Variants in PLCG2 observed in about 807,000 individuals in gnomAD.
PLCG2 encodes the protein 1-phosphatidylinositol 4,5-bisphosphate phosphodiesterase gamma-2.
PLCG2 carries 69 observed loss-of-function variants against 175.6 expected under a neutral mutation model. The observed-to-expected ratio is 0.39, with a 90% CI of 0.32 to 0.48. The LOEUF is 0.48. Ranked by LOEUF, PLCG2 falls within the 20% of genes least tolerant of loss-of-function variation. The probability of loss-of-function intolerance (pLI) is 0.91; values close to 1 mark genes in which losing one functional copy is unlikely to be tolerated. For synonymous variants in PLCG2, 827 were observed against 624.0 expected (o/e 1.33, Z -4.85); for missense variants, 1,798 against 1,650.9 (o/e 1.09, Z -1.54).
At chr16:81,752,280 C>T (rs944878507) in intron 1 of PLCG2, among the ~76,000 whole-genome samples, 5 of 152,226 alleles carry the variant, frequency 3.3e-5, no homozygotes, top group East Asian at 1.9e-4. Context: ...AAAGCAGGTT[C>T]CAGCTTCCCC....
intron 5 of PLCG2, among the ~76,000 whole-genome samples, chr16:81,861,052 A>G (rs1044245579): frequency 4.7e-5 from 7 of 150,278 alleles, no homozygotes; most frequent in African/African-American, 1.7e-4. Context: ...CAAAAAAACC[A>G]AAACCAAAAC....
intron 2 of PLCG2, among the ~76,000 whole-genome samples, chr16:81,835,416 C>A (rs1310346477): frequency 6.6e-6 from 1 of 151,668 alleles, no homozygotes; most frequent in Non-Finnish European, 1.5e-5. Context: ...GCCAACATGG[C>A]GAAACCCCAT....
intron 19 of PLCG2, among the ~76,000 whole-genome samples, chr16:81,918,389 A>G (rs1439437160): frequency 1.3e-5 from 2 of 152,118 alleles, no homozygotes; most frequent in Non-Finnish European, 2.9e-5. Flanking sequence ...ATGGTGTGAG[A>G]TAATGGTCTA....
In PLCG2 at chr16:81,895,882, A is replaced by G; in HGVS notation, c.1148A>G (p.Asp383Gly). The G allele has an allele frequency of 6.2e-7, 1 of 1,614,098 alleles. No individual in the cohort carries two copies. The highest frequency in any genetic ancestry group is 1.1e-5 in the South Asian group (1 of 91,072). ...GWTRTTKIKFDDVVQAIKDHA... is the reference protein window; with the variant it reads ...GWTRTTKIKFGDVVQAIKDHA... ...ACGCGGACTACCAAGATCAAGTTTGACGACGTCGTGCAGGCCATCAAAGAC... is the reference window on the plus strand; with the variant it reads ...ACGCGGACTACCAAGATCAAGTTTGGCGACGTCGTGCAGGCCATCAAAGAC... Residue 383 changes from aspartate to glycine, a missense_variant, in exon 13 of 33, where the codon GAC becomes GGC. Asp to Gly is a moderately conservative substitution (Grantham distance 94). Transcript: ENST00000564138.
intron 22 of PLCG2, among the ~76,000 whole-genome samples, chr16:81,923,937 C>T (rs145585090): frequency 1.3e-3 from 202 of 152,298 alleles, no homozygotes; most frequent in African/African-American, 4.5e-3. Context: ...ATCTTCATTA[C>T]TCCCTGTGAC....
chr16:81,822,682 G>A lies in PLCG2; in HGVS notation c.194-31762G>A, dbSNP rs527807389. Among the ~76,000 whole-genome samples the A allele has an allele frequency of 1.7e-3, 254 of 147,240 alleles. 1 individual carries two copies. The highest frequency in any genetic ancestry group is 6.0e-3 in the African/African-American group (239 of 39,682). ...TGAGGCAGGAGAATCGCTTGAACCCGGGAGGTGAAGGTTGTAGTGAGTGAA... is the reference window on the plus strand; with the variant it reads ...TGAGGCAGGAGAATCGCTTGAACCCAGGAGGTGAAGGTTGTAGTGAGTGAA... On this transcript the variant is annotated intron_variant, in intron 2 of 32. Coordinates refer to ENST00000564138, the MANE Select transcript of PLCG2 (RefSeq NM_002661.5).
intron 12 of PLCG2, 157 bp from the exon 13 acceptor site, chr16:81,895,650 G>A (rs1908849548): frequency 1.4e-6 from 1 of 718,988 alleles, no homozygotes; most frequent in African/African-American, 1.7e-5. Flanking sequence ...AGGGAACCCT[G>A]CGGATACAGG....
At chr16:81,901,779 G>T (rs1909162011) in intron 14 of PLCG2, among the ~76,000 whole-genome samples, 1 of 152,156 alleles carries the variant, frequency 6.6e-6, no homozygotes, top group Non-Finnish European at 1.5e-5. Flanking sequence ...AATTATGGAG[G>T]TTATTAGGTC....
chr16:81,846,119 C>T lies in PLCG2; in HGVS notation c.194-8325C>T, dbSNP rs1480801713. Among the ~76,000 whole-genome samples, 8 of 152,304 alleles carry T rather than the reference C, an allele frequency of 5.3e-5. No individual in the cohort carries two copies. The South Asian group carries it at 6.2e-4, about 12-fold the overall frequency. On this transcript the variant is annotated intron_variant, in intron 2 of 32. Transcript: ENST00000564138. ...CCCAGCTGCTAGGAGTGTTGGGTGTCGTGGCTCACAGGTGCCCCTTCTTCA... is the reference window on the plus strand; with the variant it reads ...CCCAGCTGCTAGGAGTGTTGGGTGTTGTGGCTCACAGGTGCCCCTTCTTCA...
In PLCG2 at chr16:81,908,129, G is replaced by T. The variant is rs532329988; in HGVS notation, c.1558-287G>T. The stretch of plus-strand genomic sequence containing the variant: ...TTTCTGCAGCCCCCAGGGCCTCATG[G>T]CTCTCAGACTTCCCATAGAACAGAA... On this transcript the variant is annotated intron_variant, in intron 16 of 32. Transcript: ENST00000564138. Among the ~76,000 whole-genome samples the T allele has an allele frequency of 4.6e-5, 7 of 152,304 alleles. No individual in the cohort carries two copies. In the South Asian group the frequency reaches 1.0e-3, roughly 23 times the overall value.
intron 2 of PLCG2, among the ~76,000 whole-genome samples, chr16:81,764,192 G>A (rs753627692): frequency 6.6e-6 from 1 of 152,056 alleles, no homozygotes; most frequent in Non-Finnish European, 1.5e-5. Flanking sequence ...TACTCCGGAG[G>A]CTGAGTGGGA....
At chr16:81,893,063 G>T (rs1273390083) in intron 11 of PLCG2, among the ~76,000 whole-genome samples, 3 of 152,102 alleles carry the variant, frequency 2.0e-5, no homozygotes, top group African/African-American at 7.2e-5. Context: ...ATTTCACTAT[G>T]TTGGCCAGGC....
At chr16:81,808,937 A>G (rs150331445) in intron 2 of PLCG2, among the ~76,000 whole-genome samples, 6 of 152,138 alleles carry the variant, frequency 3.9e-5, no homozygotes, top group Admixed American at 3.9e-4. Context: ...TTTGTGGCCT[A>G]TTGGACCTGC....
intron 2 of PLCG2, among the ~76,000 whole-genome samples, chr16:81,845,385 G>T (rs796881227): frequency 1.3e-5 from 2 of 151,934 alleles, no homozygotes; most frequent in African/African-American, 4.8e-5. Context: ...ATGTACAGTC[G>T]CACACTCATT....
At chr16:81,952,932 C>A in intron 31 of PLCG2, among the ~76,000 whole-genome samples, 1 of 152,280 alleles carries the variant, frequency 6.6e-6, no homozygotes, top group African/African-American at 2.4e-5. Context: ...GACCCTGCAG[C>A]TACCATCTTA....
In PLCG2 at chr16:81,749,168, G is replaced by A. The variant is rs946525906; in HGVS notation, c.-144-6702G>A. On this transcript the variant is annotated intron_variant, in intron 1 of 5. Transcript: ENST00000565054. ...TACATGTTCTCACACTACTGGTTGGGTGGTTTATTTGGGAAGGTAGGAGCT... is the reference window on the plus strand; with the variant it reads ...TACATGTTCTCACACTACTGGTTGGATGGTTTATTTGGGAAGGTAGGAGCT... Among the ~76,000 whole-genome samples the A allele has an allele frequency of 3.3e-5, 5 of 152,084 alleles. No homozygotes were observed. In the South Asian group the frequency reaches 8.3e-4, roughly 25 times the overall value.
chr16:81,811,515 C>G (rs1904322522), intron 2 of PLCG2, among the ~76,000 whole-genome samples: 1 of 152,012 alleles, frequency 6.6e-6, no homozygotes, highest in East Asian at 1.9e-4. Context: ...GCTATCCCTC[C>G]TCTAGTCCCC....
intron 2 of PLCG2, among the ~76,000 whole-genome samples, chr16:81,816,457 A>G (rs570774960): frequency 2.7e-5 from 4 of 147,398 alleles, no homozygotes; most frequent in Non-Finnish European, 5.9e-5. Context: ...GGCAAGTCTG[A>G]GAAGGAGACC....
intron 19 of PLCG2, among the ~76,000 whole-genome samples, chr16:81,912,936 C>G (rs746067536): frequency 6.6e-6 from 1 of 152,262 alleles, no homozygotes; most frequent in Non-Finnish European, 1.5e-5. Context: ...TCTGTAGTAA[C>G]TCACTTTGGC....
Sources: allele counts gnomAD v4.1 joint callset (sites outside exome capture counted in the v4.1 genomes callset), GRCh38; gene constraint gnomAD v4.1.1; transcripts MANE v1.5; gene names NCBI Gene and HGNC (gene_info 2026-07-23, HGNC 2026-07-21).